The following PTPRZ1 variants were observed in gnomAD, a reference collection of about 807,000 sequenced individuals.
PTPRZ1 encodes the protein protein tyrosine phosphatase receptor type Z1.
In PTPRZ1, 82 loss-of-function variants were observed where a neutral mutation model predicts 214.1. The ratio of observed to expected loss-of-function variants is 0.38; its 90% confidence interval spans 0.32 to 0.46. PTPRZ1 has a LOEUF of 0.46. PTPRZ1 is among the 20% of genes least tolerant of loss of function. PTPRZ1 has a pLI of 1.00. For synonymous variants in PTPRZ1, 945 were observed against 987.9 expected, an observed-to-expected ratio of 0.96 and a Z score of 0.81; for missense variants, 2,603 against 2,748.7, an observed-to-expected ratio of 0.95 and a Z score of 1.19.
At position 122,059,812 on chromosome 7, in the gene PTPRZ1, A is replaced by G. The variant is rs753097171; in HGVS notation, c.6731A>G (p.Glu2244Gly). Residue 2244 changes from glutamate (E) to glycine (G), a missense_variant, in exon 29 of 30, where the codon GAA becomes GGA. This residue lies in a region of PTPRZ1 where 165 missense variants were observed against 151.4 expected (regional missense o/e 1.09). Coordinates refer to ENST00000393386, the MANE Select transcript of PTPRZ1 (RefSeq NM_002851.3). ...CALTTLMHQL[E>G]KENSVDVYQV... ...CTGACAACCCTTATGCACCAACTAG[A>G]AAAAGAAAATTCCGTGGATGTTTAC... 5.0e-6 allele frequency: 8 copies of G among 1,613,700 alleles called. No individual in the cohort carries two copies. The highest frequency in any genetic ancestry group is 5.9e-6 in the Non-Finnish European group (7 of 1,179,804).
chr7:121,969,548 C>T (rs968347956), intron 3 of PTPRZ1, among the ~76,000 whole-genome samples: 11 of 113,962 alleles, frequency 9.7e-5, no homozygotes, highest in Admixed American at 3.2e-4. Context: ...GCAACAAGAG[C>T]GAAACTCTGT....
chr7:122,051,457 T>G lies in PTPRZ1; in HGVS notation c.6114T>G (p.Ser2038Arg). The change falls in exon 24 of 30, where the codon AGT becomes AGG. Residue 2038 changes from serine (S) to arginine (R), a missense_variant. By Grantham distance (110) the Ser-to-Arg change is moderately radical. Transcript: ENST00000393386. ...TGAGCCAGTCAAATATACAGCAGAG[T>G]GACTATTCTGCAGCCCTAAAGCAAT... ...QLLSQSNIQQ[S>R]DYSAALKQCN... 2 of 1,613,606 alleles carry G rather than the reference T, an allele frequency of 1.2e-6. No individual in the cohort carries two copies. The highest frequency in any genetic ancestry group is 2.2e-5 in the South Asian group (2 of 91,056).
intron 7 of PTPRZ1, 65 bp from the exon 8 acceptor site, chr7:121,983,901 TC>T (rs1385955423): frequency 8.8e-6 from 14 of 1,585,114 alleles, no homozygotes; most frequent in Non-Finnish European, 1.2e-5. Flanking sequence ...CTATAAAATA[TC>T]CATTTTAAAG....
chr7:122,019,419 A>G, intron 13 of PTPRZ1, 151 bp downstream of exon 13: 2 of 766,104 alleles, frequency 2.6e-6, no homozygotes, highest in Non-Finnish European at 2.1e-6. Context: ...ATCCAAAGGC[A>G]CAATAATGAA....
At chr7:122,005,502 G>GT (rs2116638014) in intron 11 of PTPRZ1, among the ~76,000 whole-genome samples, 1 of 152,004 alleles carries the variant, frequency 6.6e-6, no homozygotes, top group East Asian at 1.9e-4. Context: ...GATATTTTAT[G>GT]TATCTTATGG....
At chr7:121,891,148 A>G (rs1794591070) in intron 1 of PTPRZ1, among the ~76,000 whole-genome samples, 1 of 152,014 alleles carries the variant, frequency 6.6e-6, no homozygotes, top group African/African-American at 2.4e-5. Flanking sequence ...TTTATGATCC[A>G]CTTCCTCACT....
chr7:122,045,474 G>A (rs563334508), intron 23 of PTPRZ1, among the ~76,000 whole-genome samples: 6 of 152,140 alleles, frequency 3.9e-5, no homozygotes, highest in Admixed American at 3.3e-4. Context: ...TTACTGCACG[G>A]TGTGCCTTTG....
At chr7:122,053,406 A>G (rs1357386851) in intron 25 of PTPRZ1, among the ~76,000 whole-genome samples, 2 of 152,154 alleles carry the variant, frequency 1.3e-5, no homozygotes, top group African/African-American at 4.8e-5. Context: ...TAAGTTAGAC[A>G]ACTGGATCGA....
chr7:121,876,731 T>A (rs1209016384), intron 1 of PTPRZ1, among the ~76,000 whole-genome samples: 4 of 152,210 alleles, frequency 2.6e-5, no homozygotes, highest in Non-Finnish European at 4.4e-5. Context: ...CTCTCCTTTT[T>A]ACGTATACTG....
chr7:121,908,792 C>G (rs549521594), intron 1 of PTPRZ1: 1 of 491,382 alleles, frequency 2.0e-6, no homozygotes, highest in Non-Finnish European at 4.0e-6. Flanking sequence ...ACTCATCTTT[C>G]TGGGATAAAT....
intron 10 of PTPRZ1, among the ~76,000 whole-genome samples, chr7:122,000,520 T>C (rs1798284049): frequency 6.6e-6 from 1 of 151,238 alleles, no homozygotes; most frequent in Admixed American, 6.6e-5. Context: ...AACTGTAATG[T>C]AGCCTATTTA....
At position 122,011,421 on chromosome 7, in the gene PTPRZ1, C is replaced by A; in HGVS notation, c.2375C>A (p.Ser792Ter). Residue 792 changes from serine (S) to a stop codon, truncating the protein, a stop_gained, in exon 12 of 30, where the codon TCG becomes TAG. Coordinates refer to ENST00000393386, the MANE Select transcript of PTPRZ1 (RefSeq NM_002851.3). LOFTEE classifies it high-confidence loss of function. ...ACCCCTGCTGCTTCAAGTAGTGATT[C>A]GGCCTTGCATGCTACGCCTGTATTT... is the stretch of plus-strand genomic sequence containing the variant. ...NTTPAASSSD[S>*]ALHATPVFPS... 3.1e-6 allele frequency: 5 copies of A among 1,614,066 alleles called. No homozygotes were observed. Among genetic ancestry groups the A allele is most frequent in the Non-Finnish European group, 4.2e-6 (5 of 1,179,952 alleles).
Position 122,039,550 on chromosome 7 carries a change from G to A in PTPRZ1, c.5599G>A (p.Val1867Met). 6.2e-7 allele frequency: 1 copy of A among 1,613,946 alleles called. No individual in the cohort carries two copies. The highest frequency in any genetic ancestry group is 8.5e-7 in the Non-Finnish European group (1 of 1,179,960). ...TGTGCAAGTGCTTGCCTATTATACT[G>A]TGAGGAATTTTACTCTAAGAAACAC... ...KSVQVLAYYT[V>M]RNFTLRNTKI... Residue 1867 changes from valine to methionine, a missense_variant, in exon 20 of 30, where the codon GTG becomes ATG. Transcript: ENST00000393386.
In PTPRZ1 at chr7:121,939,179, T is replaced by C. The variant is rs1396199244; in HGVS notation, c.124+10958T>C. On this transcript the variant is annotated intron_variant, in intron 2 of 29. Coordinates refer to ENST00000393386, the MANE Select transcript of PTPRZ1 (RefSeq NM_002851.3). ...CATCCCAAATCCTTCTTGCAACAAA[T>C]AGATTATACAAAAGATAAACACTGT... Among the ~76,000 whole-genome samples the C allele has an allele frequency of 2.6e-5, 4 of 152,308 alleles. No individual in the cohort carries two copies. The East Asian group carries it at 7.7e-4, about 29-fold the overall frequency.
intron 14 of PTPRZ1, among the ~76,000 whole-genome samples, chr7:122,030,725 C>T (rs1799345384): frequency 1.3e-5 from 2 of 151,952 alleles, no homozygotes; most frequent in South Asian, 4.1e-4. Context: ...AGAGAAATCA[C>T]TTGTAAAATT....
chr7:121,878,191 G>T (rs1289548150), intron 1 of PTPRZ1, among the ~76,000 whole-genome samples: 1 of 152,138 alleles, frequency 6.6e-6, no homozygotes, highest in Non-Finnish European at 1.5e-5. Context: ...CCACTAGGCA[G>T]ATGTAGCTAT....
intron 13 of PTPRZ1, among the ~76,000 whole-genome samples, chr7:122,024,487 C>G (rs1799148617): frequency 1.3e-5 from 2 of 152,140 alleles, no homozygotes; most frequent in East Asian, 3.9e-4. Context: ...TCTTCTGGTA[C>G]CAGATTGCCT....
At chr7:121,928,059 A>G in intron 1 of PTPRZ1, 97 bp from the exon 2 acceptor site, 1 of 833,898 alleles carries the variant, frequency 1.2e-6, no homozygotes, top group African/African-American at 1.7e-5. Flanking sequence ...GGAAAGGAGT[A>G]ATCAAGAACT....
intron 13 of PTPRZ1, among the ~76,000 whole-genome samples, chr7:122,023,142 T>C (rs1799069417): frequency 6.6e-6 from 1 of 152,156 alleles, no homozygotes; most frequent in Admixed American, 6.6e-5. Flanking sequence ...TTCTAACCTA[T>C]TTTAATGAGA....
Sources: gnomAD v4.1 joint callset for allele counts (sites outside exome capture counted in the v4.1 genomes callset) on GRCh38, gnomAD v4.1.1 for gene constraint, gnomAD v4.1.1 regional missense constraint, MANE v1.5 for transcripts, NCBI Gene and HGNC (gene_info 2026-07-23, HGNC 2026-07-21) for gene names.